The following HSDL2 variants were observed in gnomAD, a reference collection of about 807,000 sequenced individuals.
HSDL2 encodes hydroxysteroid dehydrogenase-like protein 2.
HSDL2 carries 27 observed loss-of-function variants against 46.3 expected under a neutral mutation model. The ratio of observed to expected loss-of-function variants is 0.58; its 90% CI spans 0.43 to 0.80. The LOEUF (loss-of-function observed/expected upper bound fraction) is 0.80. Among genes scored for constraint, HSDL2 ranks in the 30% least tolerant of loss-of-function variants. The pLI, the probability that HSDL2 is intolerant of heterozygous loss-of-function variation, is 0.00. For missense variants in HSDL2, 451 were observed against 502.7 expected (o/e 0.90, Z 0.98); for synonymous variants, 153 against 163.6 (o/e 0.94, Z 0.50).
chr9:112,396,761 G>T (rs533878191), intron 1 of HSDL2, among the ~76,000 whole-genome samples: 4 of 152,174 alleles, frequency 2.6e-5, no homozygotes, highest in Non-Finnish European at 5.9e-5. Flanking sequence ...TAAATTTAGA[G>T]GAATGGTACT....
chr9:112,400,799 T>C (rs185945625), intron 1 of HSDL2, among the ~76,000 whole-genome samples: 65 of 152,364 alleles, frequency 4.3e-4, no homozygotes, highest in African/African-American at 1.6e-3. Context: ...GGCTTGCAGC[T>C]GCATCCCTCC....
intron 10 of HSDL2, among the ~76,000 whole-genome samples, chr9:112,459,796 A>G (rs2132704952): frequency 6.6e-6 from 1 of 152,316 alleles, no homozygotes; most frequent in East Asian, 1.9e-4. Flanking sequence ...ATTACTGAGA[A>G]GCCAGTAATA....
At chr9:112,397,563 G>A (rs1435552782) in intron 1 of HSDL2, among the ~76,000 whole-genome samples, 2 of 152,236 alleles carry the variant, frequency 1.3e-5, no homozygotes, top group Middle Eastern at 3.4e-3. Context: ...ACACACCTTT[G>A]TTACTTGTTC....
At chr9:112,411,955 T>C (rs1444611006) in intron 4 of HSDL2, among the ~76,000 whole-genome samples, 1 of 152,140 alleles carries the variant, frequency 6.6e-6, no homozygotes, top group Non-Finnish European at 1.5e-5. Context: ...GTTAAGGGCG[T>C]GTTGTGTGAA....
At chr9:112,460,602 G>T (rs910925126) in intron 10 of HSDL2, among the ~76,000 whole-genome samples, 2 of 152,018 alleles carry the variant, frequency 1.3e-5, no homozygotes, top group African/African-American at 4.8e-5. Flanking sequence ...TACAAAAATT[G>T]GTTGGGTGTG....
intron 1 of HSDL2, among the ~76,000 whole-genome samples, chr9:112,397,554 C>T (rs1216647321): frequency 6.6e-6 from 1 of 152,160 alleles, no homozygotes; most frequent in Non-Finnish European, 1.5e-5. Flanking sequence ...AGTTCTCATA[C>T]ACACCTTTGT....
At chr9:112,446,190 T>C (rs1180948521) in intron 8 of HSDL2, among the ~76,000 whole-genome samples, 2 of 152,060 alleles carry the variant, frequency 1.3e-5, no homozygotes, top group Non-Finnish European at 2.9e-5. Context: ...AATGTGTAGG[T>C]TGCTTTTGGC....
intron 6 of HSDL2, among the ~76,000 whole-genome samples, chr9:112,427,388 T>C (rs1029241338): frequency 3.3e-5 from 5 of 152,260 alleles, no homozygotes; most frequent in Non-Finnish European, 1.5e-5. Context: ...ATCTCAATCA[T>C]AGCATCATTT....
chr9:112,418,361 T>G (rs1300470810), intron 5 of HSDL2, among the ~76,000 whole-genome samples: 1 of 151,984 alleles, frequency 6.6e-6, no homozygotes, highest in East Asian at 1.9e-4. Flanking sequence ...GGCAGGTGGA[T>G]TGCTTGAGCC....
At chr9:112,392,751 AAC>A (rs894310165) in intron 1 of HSDL2, among the ~76,000 whole-genome samples, 2 of 152,156 alleles carry the variant, frequency 1.3e-5, no homozygotes, top group African/African-American at 2.4e-5. Context: ...ATATTGTTCA[AAC>A]ACACGTTTTA....
At chr9:112,443,624 G>C (rs1227770823) in intron 8 of HSDL2, among the ~76,000 whole-genome samples, 1 of 152,170 alleles carries the variant, frequency 6.6e-6, no homozygotes, top group Non-Finnish European at 1.5e-5. Flanking sequence ...CAGCTACTCA[G>C]GAGACTGAAG....
intron 1 of HSDL2, 53 bp downstream of exon 1, chr9:112,380,233 C>T: frequency 2.6e-6 from 4 of 1,510,610 alleles, no homozygotes; most frequent in South Asian, 1.2e-5. Context: ...AAGGGCGCGT[C>T]TCGGTGGGGC....
At chr9:112,427,352 G>A (rs943821604) in intron 6 of HSDL2, among the ~76,000 whole-genome samples, 1 of 152,174 alleles carries the variant, frequency 6.6e-6, no homozygotes, top group African/African-American at 2.4e-5. Flanking sequence ...AATGCGCCTG[G>A]CCCTCGCCAC....
At chr9:112,407,793 T>C (rs1207522883) in intron 3 of HSDL2, among the ~76,000 whole-genome samples, 1 of 152,224 alleles carries the variant, frequency 6.6e-6, no homozygotes, top group Non-Finnish European at 1.5e-5. Flanking sequence ...TTTTTAAGTG[T>C]ACAGTTCAGT....
intron 6 of HSDL2, among the ~76,000 whole-genome samples, chr9:112,437,092 T>G (rs934460843): frequency 6.6e-6 from 1 of 151,406 alleles, no homozygotes; most frequent in African/African-American, 2.4e-5. Context: ...CCCAAGTAGC[T>G]GGGACTACAG....
chr9:112,388,766 G>A (rs1423660649), intron 1 of HSDL2, among the ~76,000 whole-genome samples: 1 of 148,030 alleles, frequency 6.8e-6, no homozygotes, highest in Admixed American at 7.0e-5. Flanking sequence ...AAAAAAAAAA[G>A]TAAGGATCAT....
intron 1 of HSDL2, among the ~76,000 whole-genome samples, chr9:112,403,702 A>G (rs1021675929): frequency 6.6e-6 from 1 of 151,896 alleles, no homozygotes; most frequent in African/African-American, 2.4e-5. Context: ...GCATGTTTAT[A>G]TAATTTGTTT....
chr9:112,449,288 T>C (rs958359062), intron 8 of HSDL2, among the ~76,000 whole-genome samples: 4 of 151,960 alleles, frequency 2.6e-5, no homozygotes, highest in African/African-American at 9.7e-5. Flanking sequence ...GGTTTCACCA[T>C]GTTGGTCAGG....
chr9:112,421,572 GT>G (rs879711624), intron 6 of HSDL2, among the ~76,000 whole-genome samples: 1 of 151,892 alleles, frequency 6.6e-6, no homozygotes, highest in South Asian at 2.1e-4. Context: ...AATTTTTGTA[GT>G]TTTTTTTAGT....
Sources: allele counts gnomAD v4.1 joint callset (sites outside exome capture counted in the v4.1 genomes callset), GRCh38; gene constraint gnomAD v4.1.1; transcripts MANE v1.5; gene names NCBI Gene and HGNC (gene_info 2026-07-23, HGNC 2026-07-21).